MYRIP: variants seen among roughly 807,000 people sequenced by gnomAD.
MYRIP encodes the protein rab effector MyRIP.
MYRIP carries 49 observed loss-of-function variants against 98.0 expected under a neutral mutation model. The observed-to-expected ratio is 0.50, with a 90% CI of 0.40 to 0.63. The LOEUF (loss-of-function observed/expected upper bound fraction) is 0.63, where lower values mean the gene tolerates loss of function less well. MYRIP is among the 30% of genes least tolerant of loss of function. The probability of loss-of-function intolerance (pLI) is 0.00; values close to 1 mark genes in which losing one functional copy is unlikely to be tolerated. For synonymous variants in MYRIP, 404 were observed against 409.5 expected, an observed-to-expected ratio of 0.99 and a Z score of 0.16; for missense variants, 1,004 against 1,058.2, an observed-to-expected ratio of 0.95 and a Z score of 0.71.
At chr3:40,030,126 G>A (rs1469399907) in intron 2 of MYRIP, among the ~76,000 whole-genome samples, 2 of 151,442 alleles carry the variant, frequency 1.3e-5, no homozygotes, top group African/African-American at 4.9e-5. Context: ...GGGAGGGGAG[G>A]AAGGGAAGGA....
At chr3:39,856,043 T>C (rs1559498089) in intron 1 of MYRIP, among the ~76,000 whole-genome samples, 1 of 152,174 alleles carries the variant, frequency 6.6e-6, no homozygotes, top group Non-Finnish European at 1.5e-5. Flanking sequence ...TTTGTGCAAC[T>C]CCCTAAATTC....
chr3:39,839,938 A>T (rs1352687509), intron 1 of MYRIP, among the ~76,000 whole-genome samples: 2 of 152,098 alleles, frequency 1.3e-5, no homozygotes, highest in South Asian at 2.1e-4. Flanking sequence ...TGAGAAAAAT[A>T]TATATTCTGT....
chr3:39,972,716 G>T (rs1324917769), intron 2 of MYRIP, among the ~76,000 whole-genome samples: 1 of 152,018 alleles, frequency 6.6e-6, no homozygotes, highest in African/African-American at 2.4e-5. Flanking sequence ...CTGGGAAATA[G>T]AAACAGGTGT....
rs1467917130 is a variant in MYRIP at position 39,920,128 on chromosome 3, G to T, written c.110+19202G>T. Among the ~76,000 whole-genome samples the T allele has an allele frequency of 6.6e-5, 10 of 152,084 alleles. No homozygotes were observed. The East Asian group carries it at 1.9e-3, about 29-fold the overall frequency. On this transcript the variant is annotated intron_variant, in intron 2 of 16. Coordinates refer to ENST00000302541, the MANE Select transcript of MYRIP (RefSeq NM_015460.4). ...ATGAAAAAAAAATAAAAAATAAAAT[G>T]AAAGCTCTTTGGGCAACCTCTAGAA... is the stretch of plus-strand genomic sequence containing the variant.
At chr3:40,240,287 A>G (rs1201713878) in intron 12 of MYRIP, among the ~76,000 whole-genome samples, 1 of 152,156 alleles carries the variant, frequency 6.6e-6, no homozygotes, top group Non-Finnish European at 1.5e-5. Flanking sequence ...TGGTACCAGT[A>G]CCATGCTGTT....
intron 1 of MYRIP, among the ~76,000 whole-genome samples, chr3:39,869,201 C>T (rs577572544): frequency 6.6e-5 from 10 of 152,252 alleles, no homozygotes; most frequent in Admixed American, 2.0e-4. Context: ...AGAAATATTT[C>T]GGTGTGCTTG....
At chr3:39,894,833 C>T (rs192986714) in intron 1 of MYRIP, among the ~76,000 whole-genome samples, 38 of 152,246 alleles carry the variant, frequency 2.5e-4, no homozygotes, top group East Asian at 5.8e-4. Flanking sequence ...AAGATTCTTA[C>T]GCAGATTGAA....
chr3:40,246,776 A>G (rs1355860076), intron 13 of MYRIP, among the ~76,000 whole-genome samples: 2 of 152,164 alleles, frequency 1.3e-5, no homozygotes, highest in Non-Finnish European at 2.9e-5. Flanking sequence ...GGTGGTAATT[A>G]TTTTAAAAGT....
chr3:39,967,476 C>A (rs980291143), intron 2 of MYRIP, among the ~76,000 whole-genome samples: 2 of 152,234 alleles, frequency 1.3e-5, no homozygotes, highest in African/African-American at 2.4e-5. Flanking sequence ...TTTTCTTTAT[C>A]CAGCCTGTCC....
At chr3:39,811,786 T>C (rs1163881996) in intron 1 of MYRIP, among the ~76,000 whole-genome samples, 7 of 151,880 alleles carry the variant, frequency 4.6e-5, no homozygotes, top group Non-Finnish European at 1.0e-4. Flanking sequence ...TGTATGGTGG[T>C]AGAAGGGAGA....
chr3:39,841,705 G>A (rs1941805336), intron 1 of MYRIP, among the ~76,000 whole-genome samples: 1 of 152,152 alleles, frequency 6.6e-6, no homozygotes, highest in Admixed American at 6.5e-5. Flanking sequence ...CCTTCTAATA[G>A]GCAGGTCCCT....
At chr3:39,821,215 G>A (rs1486304189) in intron 1 of MYRIP, among the ~76,000 whole-genome samples, 2 of 152,132 alleles carry the variant, frequency 1.3e-5, no homozygotes, top group Non-Finnish European at 2.9e-5. Context: ...GCACCTGAAG[G>A]TGAGATTTCC....
intron 3 of MYRIP, among the ~76,000 whole-genome samples, chr3:40,140,696 G>A (rs1253478456): frequency 6.6e-6 from 1 of 151,914 alleles, no homozygotes; most frequent in East Asian, 1.9e-4. Flanking sequence ...GTCTTGATTT[G>A]CATTTCTCTA....
chr3:40,033,677 A>G (rs918906917), intron 2 of MYRIP, among the ~76,000 whole-genome samples: 2 of 152,208 alleles, frequency 1.3e-5, no homozygotes, highest in Non-Finnish European at 2.9e-5. Flanking sequence ...TGCCATCCCT[A>G]TCAAGCTACC....
At chr3:40,105,101 A>G (rs970534156) in intron 3 of MYRIP, among the ~76,000 whole-genome samples, 5 of 151,928 alleles carry the variant, frequency 3.3e-5, no homozygotes, top group South Asian at 2.1e-4. Flanking sequence ...GGCATCATCT[A>G]TTACTTCTCA....
At chr3:40,022,614 T>C (rs1404546420) in intron 2 of MYRIP, among the ~76,000 whole-genome samples, 2 of 152,156 alleles carry the variant, frequency 1.3e-5, no homozygotes, top group Non-Finnish European at 2.9e-5. Flanking sequence ...CAGCTTGGAA[T>C]GCTCGTGTGC....
intron 10 of MYRIP, among the ~76,000 whole-genome samples, chr3:40,191,538 T>C (rs867594307): frequency 2.0e-5 from 3 of 152,172 alleles, no homozygotes; most frequent in Non-Finnish European, 2.9e-5. Context: ...CAGTGTCTTC[T>C]ACAAGATCTT....
Position 39,823,301 on chromosome 3 carries a change from A to G in MYRIP, c.-31+13385A>G, listed in dbSNP as rs371484407. Among the ~76,000 whole-genome samples the G allele has an allele frequency of 9.9e-5, 15 of 152,248 alleles. No homozygotes were observed. In the East Asian group the frequency reaches 2.9e-3, roughly 29 times the overall value. On this transcript the variant is annotated intron_variant, in intron 1 of 16. Transcript: ENST00000302541. ...AGTGCTGGGATTACAGGCGTGAGCC[A>G]CCGTGCCTGGTCAGATGTCTTTTCA... is the stretch of plus-strand genomic sequence containing the variant.
intron 2 of MYRIP, among the ~76,000 whole-genome samples, chr3:39,982,003 A>G (rs983106527): frequency 2.6e-5 from 4 of 152,232 alleles, no homozygotes; most frequent in African/African-American, 4.8e-5. Flanking sequence ...ACCTGCAAAC[A>G]CATGACTATA....
Sources: gnomAD v4.1 joint callset for allele counts (sites outside exome capture counted in the v4.1 genomes callset) on GRCh38, gnomAD v4.1.1 for gene constraint, MANE v1.5 for transcripts, NCBI Gene and HGNC (gene_info 2026-07-23, HGNC 2026-07-21) for gene names.